Variants in NDUFB6 observed in about 807,000 individuals in gnomAD.
NDUFB6 encodes the protein NADH:ubiquinone oxidoreductase subunit B6.
A neutral mutation model predicts 17.5 loss-of-function variants in NDUFB6; 23 were observed. That is an observed-to-expected ratio of 1.31 (90% CI 0.94 to 1.86). NDUFB6 has a LOEUF of 1.86. Ranked by LOEUF, NDUFB6 falls within the 40% of genes most tolerant of loss-of-function variation. The pLI, the probability that NDUFB6 is intolerant of heterozygous loss-of-function variation, is 0.00. For missense variants in NDUFB6, 167 were observed against 153.8 expected (o/e 1.09, Z -0.46); for synonymous variants, 60 against 53.5 (o/e 1.12, Z -0.53).
In NDUFB6 at chr9:32,553,199, CTT is replaced by C. The variant is rs539102970; in HGVS notation, c.*675_*676del. 1,017 of 223,552 alleles carry C rather than the reference CTT, an allele frequency of 4.5e-3. No homozygotes were observed. Among genetic ancestry groups the C allele is most frequent in the South Asian group, 9.6e-3 (138 of 14,440 alleles). 13.8% of individuals were successfully genotyped at this position (223,552 alleles called of 1,614,324 possible). On this transcript the variant is annotated 3_prime_UTR_variant, in exon 4 of 4. Coordinates refer to ENST00000379847, the MANE Select transcript of NDUFB6 (RefSeq NM_002493.5). The stretch of plus-strand genomic sequence containing the variant: ...AATTCTTCAAAAATGATTCGGAAAG[CTT>C]TTTTTTTTTTTGAGACGGAGTCTTG...
intron 2 of NDUFB6, chr9:32,568,747 T>C (rs1821874111): frequency 8.1e-6 from 1 of 123,422 alleles, no homozygotes; most frequent in African/African-American, 3.5e-5. Context: ...TATATATATA[T>C]ATTTTTTTTT....
At chr9:32,568,742 A>ATATG (rs1554674622) in intron 2 of NDUFB6, 4 of 119,606 alleles carry the variant, frequency 3.3e-5, no homozygotes, top group Admixed American at 8.1e-5. Flanking sequence ...ATATATATAT[A>ATATG]TATATATTTT....
At chr9:32,566,200 T>C (rs1305249065) in intron 2 of NDUFB6, 12 of 778,470 alleles carry the variant, frequency 1.5e-5, no homozygotes, top group African/African-American at 3.4e-5. Flanking sequence ...CTGGGGTTTG[T>C]AGATTCTGTT....
intron 2 of NDUFB6, among the ~76,000 whole-genome samples, chr9:32,561,253 C>T (rs556218784): frequency 6.0e-4 from 92 of 152,254 alleles, no homozygotes; most frequent in African/African-American, 2.1e-3. Flanking sequence ...GTTTCTAACA[C>T]ATAAGACAGG....
At chr9:32,560,186 A>G (rs1821586779) in intron 2 of NDUFB6, among the ~76,000 whole-genome samples, 1 of 152,204 alleles carries the variant, frequency 6.6e-6, no homozygotes, top group African/African-American at 2.4e-5. Flanking sequence ...GCAATCCTTT[A>G]CCTACCAAAA....
intron 2 of NDUFB6, among the ~76,000 whole-genome samples, chr9:32,561,432 A>G (rs1821622901): frequency 6.6e-6 from 1 of 151,994 alleles, no homozygotes; most frequent in East Asian, 1.9e-4. Flanking sequence ...GTTTCCAGCA[A>G]TTCTTCTGCC....
chr9:32,557,464 C>T (rs936022217), intron 3 of NDUFB6, among the ~76,000 whole-genome samples: 1 of 151,048 alleles, frequency 6.6e-6, no homozygotes, highest in African/African-American at 2.4e-5. Flanking sequence ...CCCCCGATAC[C>T]CCCTACTTTT....
chr9:32,557,818 C>T (rs939984286), intron 3 of NDUFB6, among the ~76,000 whole-genome samples: 6 of 152,256 alleles, frequency 3.9e-5, no homozygotes, highest in South Asian at 4.1e-4. Context: ...CAACTGGGAC[C>T]GCTGGCCAGT....
chr9:32,553,135 C>A lies in NDUFB6; in HGVS notation c.*741G>T, dbSNP rs377486383. 2.7e-5 allele frequency: 12 copies of A among 445,520 alleles called. No homozygotes were observed. The East Asian group carries it at 4.0e-4, about 15-fold the overall frequency. The allele number at this position is 445,520 out of a possible 1,614,324, so 27.6% of individuals were successfully genotyped here. On this transcript the variant is annotated 3_prime_UTR_variant, in exon 4 of 4. Transcript: ENST00000379847. ...ACCTAAATCTGACAGTCTTGAGTGTCAGATCATAGTTGGAATAAGCTTTTC... is the reference window on the plus strand; with the variant it reads ...ACCTAAATCTGACAGTCTTGAGTGTAAGATCATAGTTGGAATAAGCTTTTC...
chr9:32,570,998 C>G lies in NDUFB6; in HGVS notation c.235G>C (p.Val79Leu), dbSNP rs372259032. Reference sequence around the variant, plus strand: ...TTCATGTAATAATGAATAATCCAGACAGGTACAAGTACATGAGTGAAAACA... The same window carrying G: ...TTCATGTAATAATGAATAATCCAGAGAGGTACAAGTACATGAGTGAAAACA... ...IFVFTHVLVP[V>L]WIIHYYMKYH... The change falls in exon 2 of 4, where the codon GTC (valine) becomes CTC (leucine). Residue 79 changes from valine (V) to leucine (L), a missense_variant. Val to Leu is a conservative substitution (Grantham distance 32). Transcript: ENST00000379847. 5 of 1,604,600 alleles carry G rather than the reference C, an allele frequency of 3.1e-6. No homozygotes were observed. The African/African-American group carries it at 6.7e-5, about 22-fold the overall frequency.
At chr9:32,554,379 C>G (rs887947447) in intron 3 of NDUFB6, among the ~76,000 whole-genome samples, 1 of 152,206 alleles carries the variant, frequency 6.6e-6, no homozygotes. Flanking sequence ...AGAATACAAA[C>G]TTTGGCTAGG....
Position 32,572,871 on chromosome 9 carries a change from T to G in NDUFB6, c.180+10A>C, listed in dbSNP as rs1164390013. The G allele has an allele frequency of 6.4e-7, 1 of 1,564,184 alleles. No homozygotes were observed. The highest frequency in any genetic ancestry group is 1.8e-5 in the Admixed American group (1 of 55,468). On this transcript the variant is annotated intron_variant, in intron 1 of 3. Coordinates refer to ENST00000379847, the MANE Select transcript of NDUFB6 (RefSeq NM_002493.5). ...TGTGTTGGGGGGGACCGGAGAGGTC[T>G]GTCACTCACCATTTTCCTCCAAGGG...
rs750044120 is a variant in NDUFB6 at position 32,571,060 on chromosome 9, G to T, written c.181-8C>A. 12 of 1,557,042 alleles carry T rather than the reference G, an allele frequency of 7.7e-6. No individual in the cohort carries two copies. Among genetic ancestry groups the T allele is most frequent in the Admixed American group, 3.6e-5 (2 of 55,440 alleles). The stretch of plus-strand genomic sequence containing the variant: ...TTTGTATACCCCATGGACCTGGGGG[G>T]AAAAACACATACACAAAATAAACAT... On this transcript the variant is annotated splice_polypyrimidine_tract_variant and splice_region_variant and intron_variant, in intron 1 of 3. Coordinates refer to ENST00000379847, the MANE Select transcript of NDUFB6 (RefSeq NM_002493.5).
chr9:32,553,585 G>T lies in NDUFB6; in HGVS notation c.*291C>A, dbSNP rs1460720810. 1 of 343,558 alleles carries T rather than the reference G, an allele frequency of 2.9e-6. No individual in the cohort carries two copies. The allele number at this position is 343,558 out of a possible 1,614,324, so 21.3% of individuals were successfully genotyped here. A position where few individuals can be genotyped will look rare whatever the true frequency, so the allele number is the denominator to read the frequency against. Reference sequence around the variant, plus strand: ...TTGCATACCCTGATACCAAATTAGTGTAAGTACTGTGTAAGAAAAAAACAA... The same window carrying T: ...TTGCATACCCTGATACCAAATTAGTTTAAGTACTGTGTAAGAAAAAAACAA... On this transcript the variant is annotated 3_prime_UTR_variant, in exon 4 of 4. Transcript: ENST00000379847.
chr9:32,571,260 C>T (rs530002536), intron 1 of NDUFB6, among the ~76,000 whole-genome samples: 1 of 151,572 alleles, frequency 6.6e-6, no homozygotes, highest in South Asian at 2.1e-4. Flanking sequence ...AAAGTCCAGA[C>T]CAAAATGCTT....
intron 2 of NDUFB6, among the ~76,000 whole-genome samples, chr9:32,563,376 C>T (rs1013944338): frequency 6.6e-6 from 1 of 151,556 alleles, no homozygotes; most frequent in African/African-American, 2.4e-5. Context: ...CTCACTATGT[C>T]ACCCAGGATG....
At chr9:32,561,845 T>TCAA (rs760443052) in intron 2 of NDUFB6, among the ~76,000 whole-genome samples, 2 of 152,240 alleles carry the variant, frequency 1.3e-5, no homozygotes, top group Non-Finnish European at 2.9e-5. Flanking sequence ...AACCAGATTC[T>TCAA]CAACTGACAT....
At chr9:32,561,382 C>T (rs939578850) in intron 2 of NDUFB6, among the ~76,000 whole-genome samples, 8 of 151,592 alleles carry the variant, frequency 5.3e-5, no homozygotes, top group Admixed American at 3.9e-4. Context: ...CTGGAGAGTG[C>T]GGTGGCCCAA....
chr9:32,567,662 T>C (rs201117367), intron 2 of NDUFB6: 11 of 358,146 alleles, frequency 3.1e-5, no homozygotes, highest in African/African-American at 1.7e-4. Context: ...ATATTTGTTA[T>C]GGTAATCTGC....
Sources: allele counts gnomAD v4.1 joint callset (sites outside exome capture counted in the v4.1 genomes callset), GRCh38; gene constraint gnomAD v4.1.1; transcripts MANE v1.5; gene names NCBI Gene and HGNC (gene_info 2026-07-23, HGNC 2026-07-21).